Variants in CNTNAP4 observed in about 807,000 individuals in gnomAD.
The protein encoded by CNTNAP4 is contactin-associated protein-like 4.
Under a neutral mutation model 148.4 loss-of-function variants are expected in CNTNAP4, and 98 were observed. The ratio of observed to expected loss-of-function variants is 0.66; its 90% CI spans 0.56 to 0.78. CNTNAP4 has a LOEUF of 0.78. Ranked by LOEUF, CNTNAP4 falls within the 30% of genes least tolerant of loss-of-function variation. The pLI is 0.00. For synonymous variants in CNTNAP4, 730 were observed against 565.1 expected (o/e 1.29, Z -4.14); for missense variants, 1,935 against 1,565.6 (o/e 1.24, Z -3.98).
At chr16:76,384,939 A>T (rs1245605888) in intron 3 of CNTNAP4, among the ~76,000 whole-genome samples, 2 of 152,298 alleles carry the variant, frequency 1.3e-5, no homozygotes, top group Non-Finnish European at 1.5e-5. Context: ...TAAATTTTTT[A>T]AAAAATCAAT....
intron 19 of CNTNAP4, among the ~76,000 whole-genome samples, chr16:76,539,022 T>A (rs1024512978): frequency 6.6e-6 from 1 of 152,066 alleles, no homozygotes; most frequent in South Asian, 2.1e-4. Flanking sequence ...CCAAGGGTAC[T>A]GTACTGAACA....
In CNTNAP4 at chr16:76,434,141, A is replaced by G. The variant is rs140796123; in HGVS notation, c.538+6542A>G. Among the ~76,000 whole-genome samples, 822 of 149,260 alleles carry G rather than the reference A, an allele frequency of 5.5e-3. 8 individuals carry two copies. Among genetic ancestry groups the G allele is most frequent in the African/African-American group, 0.019 (788 of 41,056 alleles). On this transcript the variant is annotated intron_variant, in intron 4 of 23. Coordinates refer to ENST00000611870, the MANE Select transcript of CNTNAP4 (RefSeq NM_033401.5). The stretch of plus-strand genomic sequence containing the variant: ...AAAATATATATATTTATAAATATAT[A>G]TACTAGAAATATTGAAATATCGAAT...
chr16:76,343,679 T>A (rs935933166), intron 2 of CNTNAP4, among the ~76,000 whole-genome samples: 4 of 152,184 alleles, frequency 2.6e-5, no homozygotes, highest in African/African-American at 9.7e-5. Context: ...TTTGCTTACA[T>A]TTGCTCTCTT....
At chr16:76,398,846 A>T (rs1344491472) in intron 3 of CNTNAP4, among the ~76,000 whole-genome samples, 1 of 152,070 alleles carries the variant, frequency 6.6e-6, no homozygotes, top group African/African-American at 2.4e-5. Context: ...GTACATATAT[A>T]TACTTATATA....
rs150945361 is a variant in CNTNAP4, at chr16:76,464,542, A to G, written c.1483+2437A>G. Among the ~76,000 whole-genome samples the G allele has an allele frequency of 1.1e-3, 171 of 152,294 alleles. 2 individuals carry two copies. The highest frequency in any genetic ancestry group is 3.3e-3 in the Admixed American group (50 of 15,304). ...TGTCTAGGTGGAAAGTGTTTTTTAG[A>G]TAATTCTTCAGCCAGTTTATGTTCA... On this transcript the variant is annotated intron_variant, in intron 9 of 23. Coordinates refer to ENST00000611870, the MANE Select transcript of CNTNAP4 (RefSeq NM_033401.5).
intron 11 of CNTNAP4, among the ~76,000 whole-genome samples, chr16:76,476,863 G>T (rs72799007): frequency 2.0e-5 from 3 of 152,050 alleles, no homozygotes; most frequent in African/African-American, 7.2e-5. Flanking sequence ...AGTCTATTGC[G>T]CTAGATAATT....
Position 76,553,519 on chromosome 16 carries a change from C to G in CNTNAP4, c.3661+18C>G, listed in dbSNP as rs763409818. 6.4e-7 allele frequency: 1 copy of G among 1,554,408 alleles called. No homozygotes were observed. ...GTTTGCAGGTGACTTAGAGTTCTTC[C>G]TCTACTCAGTCACAGACGTAGCTTG... On this transcript the variant is annotated intron_variant, in intron 22 of 23. Coordinates refer to ENST00000611870, the MANE Select transcript of CNTNAP4 (RefSeq NM_033401.5).
intron 15 of CNTNAP4, among the ~76,000 whole-genome samples, chr16:76,518,418 G>A (rs912287918): frequency 6.6e-6 from 1 of 152,162 alleles, no homozygotes; most frequent in African/African-American, 2.4e-5. Context: ...ATGAGCCACC[G>A]TGCCTGGCCT....
intron 3 of CNTNAP4, among the ~76,000 whole-genome samples, chr16:76,377,426 G>T (rs897056673): frequency 6.6e-6 from 1 of 152,168 alleles, no homozygotes; most frequent in Non-Finnish European, 1.5e-5. Context: ...ATGGAAGAGA[G>T]TCGGAAAGAT....
intron 2 of CNTNAP4, among the ~76,000 whole-genome samples, chr16:76,351,815 A>G (rs2011814731): frequency 6.6e-6 from 1 of 152,206 alleles, no homozygotes; most frequent in Non-Finnish European, 1.5e-5. Context: ...CCTGATGAGA[A>G]TTGATGATCC....
rs5817987 is a variant in CNTNAP4, at chr16:76,376,907, TTGTGTGTGTGTGTGTG to T, written c.390+21428_390+21443del. On this transcript the variant is annotated intron_variant, in intron 3 of 23. Transcript: ENST00000611870. ...TCCAGAGAAACAAAACTAACAAGGT[TTGTGTGTGTGTGTGTG>T]TGTGTGTGTGTGTGTGTGTGTGTGT... Among the ~76,000 whole-genome samples, 925 of 143,168 alleles carry T rather than the reference TTGTGTGTGTGTGTGTG, an allele frequency of 6.5e-3. 5 individuals carry two copies. The highest frequency in any genetic ancestry group is 0.024 in the East Asian group (112 of 4,694). The allele number at this position is 143,168 out of a possible 152,430, so 93.9% of individuals were successfully genotyped here.
At chr16:76,436,718 A>G (rs2079841939) in intron 4 of CNTNAP4, among the ~76,000 whole-genome samples, 1 of 152,158 alleles carries the variant, frequency 6.6e-6, no homozygotes, top group African/African-American at 2.4e-5. Flanking sequence ...CACAAGTGGT[A>G]AATCAGGAGT....
rs151132560 is a variant in CNTNAP4, at chr16:76,370,995, AAAG to A, written c.390+15488_390+15490del. Among the ~76,000 whole-genome samples, 1,410 of 152,306 alleles carry A rather than the reference AAAG, an allele frequency of 9.3e-3. 20 individuals are homozygous for A. The highest frequency in any genetic ancestry group is 0.032 in the African/African-American group (1,347 of 41,562). On this transcript the variant is annotated intron_variant, in intron 3 of 23. Transcript: ENST00000611870. The stretch of plus-strand genomic sequence containing the variant: ...CCAAGAACAGTCTTTCAATGTCCTG[AAAG>A]AAGGGAATCCATGAAAAATGCTGAA...
At chr16:76,342,722 T>A (rs1290768757) in intron 2 of CNTNAP4, among the ~76,000 whole-genome samples, 1 of 152,158 alleles carries the variant, frequency 6.6e-6, no homozygotes, top group Non-Finnish European at 1.5e-5. Context: ...TCTGCCCACC[T>A]CGGCATAAAT....
intron 15 of CNTNAP4, among the ~76,000 whole-genome samples, chr16:76,509,184 G>T (rs117740265): frequency 0.015 from 1,480 of 97,148 alleles, 547 homozygotes; most frequent in Non-Finnish European, 0.03. Context: ...TATCTCTAGT[G>T]CAGGGCTTCC....
chr16:76,337,886 G>A (rs1216088175), intron 2 of CNTNAP4, among the ~76,000 whole-genome samples: 1 of 152,138 alleles, frequency 6.6e-6, no homozygotes, highest in Non-Finnish European at 1.5e-5. Flanking sequence ...GCTCTATTCT[G>A]CCTGACCCCG....
At chr16:76,325,703 A>G (rs1261394425) in intron 2 of CNTNAP4, among the ~76,000 whole-genome samples, 1 of 152,170 alleles carries the variant, frequency 6.6e-6, no homozygotes, top group Non-Finnish European at 1.5e-5. Context: ...TTTTCCATGC[A>G]TTCATCCCAA....
chr16:76,431,288 G>A (rs1257451300), intron 4 of CNTNAP4, among the ~76,000 whole-genome samples: 2 of 152,192 alleles, frequency 1.3e-5, no homozygotes, highest in Non-Finnish European at 2.9e-5. Context: ...CTATGGGTTA[G>A]AGGGTGAAAT....
intron 3 of CNTNAP4, among the ~76,000 whole-genome samples, chr16:76,402,020 C>G (rs1597429859): frequency 6.6e-6 from 1 of 152,076 alleles, no homozygotes; most frequent in African/African-American, 2.4e-5. Context: ...TGTTGTATCT[C>G]TGCCAGGTTT....
Sources: allele counts gnomAD v4.1 joint callset (sites outside exome capture counted in the v4.1 genomes callset), GRCh38; gene constraint gnomAD v4.1.1; transcripts MANE v1.5; gene names NCBI Gene and HGNC (gene_info 2026-07-23, HGNC 2026-07-21).